CHCHD3: variants seen among roughly 807,000 people sequenced by gnomAD.
The protein encoded by CHCHD3 is coiled-coil-helix-coiled-coil-helix domain containing 3.
Under a neutral mutation model 38.2 loss-of-function variants are expected in CHCHD3, and 20 were observed. The observed-to-expected ratio is 0.52, with a 90% CI of 0.37 to 0.76. The LOEUF (loss-of-function observed/expected upper bound fraction) is 0.76, where lower values mean the gene tolerates loss of function less well. CHCHD3 is among the 30% of genes least tolerant of loss of function. The pLI is 0.00. For synonymous variants in CHCHD3, 82 were observed against 100.0 expected, an observed-to-expected ratio of 0.82 and a Z score of 1.07; for missense variants, 245 against 279.2, an observed-to-expected ratio of 0.88 and a Z score of 0.87.
intron 4 of CHCHD3, among the ~76,000 whole-genome samples, chr7:132,945,001 T>C (rs1407767323): frequency 6.6e-6 from 1 of 152,002 alleles, no homozygotes; most frequent in Non-Finnish European, 1.5e-5. Flanking sequence ...TAAAAGTTTG[T>C]CAGCTGGCTT....
intron 5 of CHCHD3, among the ~76,000 whole-genome samples, chr7:132,879,578 T>C (rs1808997721): frequency 6.6e-6 from 1 of 151,926 alleles, no homozygotes; most frequent in African/African-American, 2.4e-5. Context: ...TTCTGCCCTC[T>C]ATGACACGAT....
At chr7:132,999,288 A>G (rs1812503660) in intron 3 of CHCHD3, among the ~76,000 whole-genome samples, 1 of 152,156 alleles carries the variant, frequency 6.6e-6, no homozygotes, top group South Asian at 2.1e-4. Flanking sequence ...ACATCTCCAA[A>G]CCATTGGTTT....
chr7:133,004,093 G>A (rs565750494), intron 3 of CHCHD3, among the ~76,000 whole-genome samples: 28 of 152,018 alleles, frequency 1.8e-4, no homozygotes, highest in African/African-American at 6.0e-4. Context: ...TGGGATTACT[G>A]GTGCCCGCCA....
At chr7:132,993,556 T>C (rs1812337531) in intron 3 of CHCHD3, among the ~76,000 whole-genome samples, 1 of 152,226 alleles carries the variant, frequency 6.6e-6, no homozygotes. Flanking sequence ...TTCTTTTTCA[T>C]CTGCCTACGC....
chr7:132,842,385 C>A (rs997527513), intron 5 of CHCHD3, among the ~76,000 whole-genome samples: 1 of 152,106 alleles, frequency 6.6e-6, no homozygotes, highest in African/African-American at 2.4e-5. Flanking sequence ...TCCCATCTAT[C>A]CTTCACCTAG....
intron 2 of CHCHD3, among the ~76,000 whole-genome samples, chr7:133,028,236 A>G (rs1157720054): frequency 6.6e-6 from 1 of 152,230 alleles, no homozygotes; most frequent in Non-Finnish European, 1.5e-5. Context: ...ACAGCAAGAT[A>G]CTTCTCAGGC....
At chr7:132,955,724 G>A (rs1026105852) in intron 4 of CHCHD3, among the ~76,000 whole-genome samples, 9 of 152,116 alleles carry the variant, frequency 5.9e-5, no homozygotes, top group African/African-American at 2.2e-4. Flanking sequence ...ATGAGGTCTT[G>A]GAGTGAGGGG....
intron 6 of CHCHD3, among the ~76,000 whole-genome samples, chr7:132,836,134 G>A (rs1337545708): frequency 2.0e-5 from 3 of 148,536 alleles, no homozygotes; most frequent in African/African-American, 2.5e-5. Context: ...TTTTTTTTTA[G>A]ACAGAGTCTT....
At chr7:133,058,538 G>A (rs1584678132) in intron 2 of CHCHD3, among the ~76,000 whole-genome samples, 1 of 152,148 alleles carries the variant, frequency 6.6e-6, no homozygotes, top group Non-Finnish European at 1.5e-5. Context: ...CAATGTTTTT[G>A]GGGGAGCTGT....
chr7:132,817,834 G>A (rs1807238928), intron 6 of CHCHD3, among the ~76,000 whole-genome samples: 1 of 151,852 alleles, frequency 6.6e-6, no homozygotes, highest in Non-Finnish European at 1.5e-5. Context: ...CAAGGCTGCA[G>A]TGAGCTATGA....
chr7:132,967,977 T>G (rs1204906181), intron 4 of CHCHD3, among the ~76,000 whole-genome samples: 5 of 152,202 alleles, frequency 3.3e-5, no homozygotes, highest in African/African-American at 1.2e-4. Flanking sequence ...TATTCATTCT[T>G]TGGGATCTTA....
intron 4 of CHCHD3, among the ~76,000 whole-genome samples, chr7:132,898,989 C>A (rs748016678): frequency 7.3e-4 from 111 of 152,328 alleles, no homozygotes; most frequent in Non-Finnish European, 1.3e-3. Flanking sequence ...GCGCCTCCCC[C>A]TCCACACCTC....
chr7:132,816,511 T>A (rs1807203316), intron 6 of CHCHD3, among the ~76,000 whole-genome samples: 1 of 152,206 alleles, frequency 6.6e-6, no homozygotes. Context: ...TCATTTGGCT[T>A]CATAGTTAAT....
chr7:132,924,715 G>A (rs1383813715), intron 4 of CHCHD3, among the ~76,000 whole-genome samples: 3 of 152,172 alleles, frequency 2.0e-5, no homozygotes, highest in African/African-American at 4.8e-5. Flanking sequence ...ATAGAAACAA[G>A]TAATATTTCA....
In CHCHD3 at chr7:132,854,170, T is replaced by C. The variant is rs183913267; in HGVS notation, c.454-15701A>G. Among the ~76,000 whole-genome samples, 30 of 152,302 alleles carry C rather than the reference T, an allele frequency of 2.0e-4. No individual in the cohort carries two copies. In the East Asian group the frequency reaches 5.0e-3, roughly 25 times the overall value. On this transcript the variant is annotated intron_variant, in intron 5 of 7. Transcript: ENST00000262570. Reference sequence around the variant, plus strand: ...GACTCAAAGGCTTCATGTCTGGAAATATGTGAAATAATCATGAATGTATAC... The same window carrying C: ...GACTCAAAGGCTTCATGTCTGGAAACATGTGAAATAATCATGAATGTATAC...
At chr7:132,978,710 C>T (rs1811838035) in intron 3 of CHCHD3, among the ~76,000 whole-genome samples, 1 of 152,150 alleles carries the variant, frequency 6.6e-6, no homozygotes, top group Non-Finnish European at 1.5e-5. Flanking sequence ...TAATCCCAGG[C>T]TACATTAAAT....
At chr7:132,920,361 G>A (rs1810230883) in intron 4 of CHCHD3, among the ~76,000 whole-genome samples, 1 of 152,174 alleles carries the variant, frequency 6.6e-6, no homozygotes, top group Admixed American at 6.5e-5. Context: ...TGCTCTAATA[G>A]AGAATATGGT....
At chr7:132,841,454 C>CA (rs1288623214) in intron 5 of CHCHD3, among the ~76,000 whole-genome samples, 3 of 141,102 alleles carry the variant, frequency 2.1e-5, no homozygotes, top group African/African-American at 7.7e-5. Context: ...ACCAACCCAA[C>CA]AAAAAACACT....
At chr7:133,022,086 C>CAA (rs566668172) in intron 3 of CHCHD3, among the ~76,000 whole-genome samples, 1 of 146,882 alleles carries the variant, frequency 6.8e-6, no homozygotes, top group Non-Finnish European at 1.5e-5. Flanking sequence ...GACTCCATCT[C>CAA]AAAAAAAAAC....
Sources: allele counts gnomAD v4.1 joint callset (sites outside exome capture counted in the v4.1 genomes callset), GRCh38; gene constraint gnomAD v4.1.1; transcripts MANE v1.5; gene names NCBI Gene and HGNC (gene_info 2026-07-23, HGNC 2026-07-21).